COL24A1: variants seen among roughly 807,000 people sequenced by gnomAD.
The protein encoded by COL24A1 is collagen type XXIV alpha 1 chain.
COL24A1 carries 224 observed loss-of-function variants against 253.9 expected under a neutral mutation model. The ratio of observed to expected loss-of-function variants is 0.88; its 90% confidence interval spans 0.79 to 0.99. The LOEUF (loss-of-function observed/expected upper bound fraction) is 0.99, where lower values mean the gene tolerates loss of function less well. Ranked by LOEUF, COL24A1 falls within the 50% of genes least tolerant of loss-of-function variation. COL24A1 has a pLI of 0.00. For synonymous variants in COL24A1, 685 were observed against 673.7 expected (o/e 1.02, Z -0.26); for missense variants, 2,131 against 2,068.5 (o/e 1.03, Z -0.59).
chr1:85,975,433 A>G (rs189446166), intron 20 of COL24A1, among the ~76,000 whole-genome samples: 2 of 152,334 alleles, frequency 1.3e-5, no homozygotes, highest in Non-Finnish European at 2.9e-5. Flanking sequence ...TTATTCCACC[A>G]TAAGAAGAAT....
intron 43 of COL24A1, among the ~76,000 whole-genome samples, chr1:85,833,361 C>A (rs1301950790): frequency 2.6e-4 from 40 of 152,160 alleles, no homozygotes; most frequent in African/African-American, 4.1e-4. Flanking sequence ...AAACACATGA[C>A]AAAATGCTCA....
rs1687335609 is a variant in COL24A1, at chr1:85,927,040, T to C, written c.2563-15607A>G. 2.0e-5 allele frequency among the ~76,000 whole-genome samples: 3 copies of C among 152,248 alleles called. No individual in the cohort carries two copies. In the South Asian group the frequency reaches 6.2e-4, roughly 32 times the overall value. ...TAGCTTTTGTGTGTTTGGATATGTT[T>C]GCCAAAGGGTTAAGAATGTGTGTAG... On this transcript the variant is annotated intron_variant, in intron 24 of 59. Transcript: ENST00000370571.
In COL24A1 at chr1:85,927,299, C is replaced by G. The variant is rs573158459; in HGVS notation, c.2563-15866G>C. Among the ~76,000 whole-genome samples the G allele has an allele frequency of 3.9e-5, 6 of 152,264 alleles. No homozygotes were observed. The South Asian group carries it at 1.2e-3, about 32-fold the overall frequency. ...GCAAGGAGTCAGGGAGTTCCCTTTC[C>G]GAGTCAAAGAAAGGGGTGACGGACG... On this transcript the variant is annotated intron_variant, in intron 24 of 59. Transcript: ENST00000370571.
chr1:86,005,370 TA>T (rs1173733115), intron 19 of COL24A1, among the ~76,000 whole-genome samples: 2,170 of 136,068 alleles, frequency 0.016, 41 homozygotes, highest in African/African-American at 0.048. Context: ...CTCCATAAAG[TA>T]AAAAAAAAAA....
At chr1:86,097,474 CTCCCTCCTCCTCCT>C in intron 5 of COL24A1, among the ~76,000 whole-genome samples, 1 of 57,906 alleles carries the variant, frequency 1.7e-5, no homozygotes, top group Non-Finnish European at 4.1e-5. Flanking sequence ...CCTCCTCCTC[CTCCCTCCTCCTCCT>C]CCCTCCTCCT....
chr1:86,125,716 C>T lies in COL24A1; in HGVS notation c.620G>A (p.Ser207Asn). ...AAAATGGATAGAATTATTATTCATA[C>T]TTCCTAAAGTAAACACACTATTAGA... ...FDSNSVFTLG[S>N]MNNNSIHFEG... The change falls in exon 3 of 60, where the codon AGT becomes AAT. Residue 207 changes from serine to asparagine, a missense_variant. Coordinates refer to ENST00000370571, the MANE Select transcript of COL24A1 (RefSeq NM_152890.7). 1 of 1,609,910 alleles carries T rather than the reference C, an allele frequency of 6.2e-7. No individual in the cohort carries two copies. The highest frequency in any genetic ancestry group is 8.5e-7 in the Non-Finnish European group (1 of 1,177,736).
At chr1:86,036,873 T>C (rs908730381) in intron 12 of COL24A1, among the ~76,000 whole-genome samples, 2 of 152,196 alleles carry the variant, frequency 1.3e-5, no homozygotes, top group Admixed American at 6.6e-5. Context: ...TTAAATCAAA[T>C]TGTGTTTTCC....
At chr1:85,757,797 C>T (rs1041832769) in intron 55 of COL24A1, among the ~76,000 whole-genome samples, 4 of 152,076 alleles carry the variant, frequency 2.6e-5, no homozygotes, top group African/African-American at 7.2e-5. Context: ...GAGGATTTGC[C>T]TGGGAAGTCA....
intron 32 of COL24A1, among the ~76,000 whole-genome samples, chr1:85,881,400 C>G (rs977965537): frequency 6.6e-6 from 1 of 151,748 alleles, no homozygotes; most frequent in Non-Finnish European, 1.5e-5. Flanking sequence ...GGGCCGATCA[C>G]GAGGTCAGGA....
intron 2 of COL24A1, among the ~76,000 whole-genome samples, chr1:86,139,064 T>C (rs1296149710): frequency 1.3e-5 from 2 of 151,772 alleles, no homozygotes; most frequent in African/African-American, 4.8e-5. Context: ...GCTGACATAC[T>C]ATATAAACAC....
At chr1:86,149,135 T>C (rs1381603675) in intron 1 of COL24A1, among the ~76,000 whole-genome samples, 4 of 152,226 alleles carry the variant, frequency 2.6e-5, no homozygotes, top group African/African-American at 9.6e-5. Context: ...CCTCAGGTGA[T>C]CTGCCTGCTT....
chr1:85,849,214 T>G, intron 38 of COL24A1, 139 bp downstream of exon 38: 1 of 456,926 alleles, frequency 2.2e-6, no homozygotes, highest in Non-Finnish European at 3.9e-6. Flanking sequence ...TTAATTTATA[T>G]AAATGTATCT....
intron 5 of COL24A1, among the ~76,000 whole-genome samples, chr1:86,108,763 C>T (rs1338496357): frequency 1.3e-5 from 2 of 150,662 alleles, no homozygotes; most frequent in Non-Finnish European, 2.9e-5. Flanking sequence ...GCCGAGATCG[C>T]ACCATTGTAC....
rs755269026 is a variant in COL24A1 at position 85,823,576 on chromosome 1, T to G, written c.3749A>C (p.Asp1250Ala). Residue 1250 changes from aspartate (D) to alanine (A), a missense_variant, in exon 45 of 60, where the codon GAC (aspartate) becomes GCC (alanine). Coordinates refer to ENST00000370571, the MANE Select transcript of COL24A1 (RefSeq NM_152890.7). ...TCCTTTTAGTCCTTGTTCACCCTGG[T>G]CACCTGGTTCGCCCTTTAGTAGAAA... ...GQQGPPGEPGDQGEQGLKGER... is the reference protein window; with the variant it reads ...GQQGPPGEPGAQGEQGLKGER... 6.2e-7 allele frequency: 1 copy of G among 1,614,030 alleles called. No homozygotes were observed. Among genetic ancestry groups the G allele is most frequent in the South Asian group, 1.1e-5 (1 of 91,082 alleles).
chr1:85,827,794 G>A (rs1392932040), intron 43 of COL24A1, among the ~76,000 whole-genome samples: 1 of 151,768 alleles, frequency 6.6e-6, no homozygotes. Flanking sequence ...TTTTTATTGT[G>A]TCTGTTTGAT....
chr1:85,832,240 T>C (rs1031567272), intron 43 of COL24A1, among the ~76,000 whole-genome samples: 1 of 152,070 alleles, frequency 6.6e-6, no homozygotes, highest in Admixed American at 6.6e-5. Context: ...TGGTTGTAGA[T>C]ATGTGGCATT....
rs1375702537 is a variant in COL24A1, at chr1:85,775,604, G to C, written c.4374+70C>G. On this transcript the variant is annotated intron_variant, in intron 53 of 59. Coordinates refer to ENST00000370571, the MANE Select transcript of COL24A1 (RefSeq NM_152890.7). ...ACATAATAATGGATAACTCTAACAG[G>C]GTCCTTGCTTTCATGGAGCTTATAG... is the stretch of plus-strand genomic sequence containing the variant. 2.4e-6 allele frequency: 3 copies of C among 1,243,508 alleles called. No homozygotes were observed. The African/African-American group carries it at 4.6e-5, about 19-fold the overall frequency. The allele number at this position is 1,243,508 out of a possible 1,614,324, so 77.0% of individuals were successfully genotyped here.
intron 29 of COL24A1, 135 bp from the exon 30 acceptor site, chr1:85,896,200 T>A: frequency 8.5e-7 from 1 of 1,177,462 alleles, no homozygotes; most frequent in Non-Finnish European, 1.2e-6. Context: ...AAAACATCTC[T>A]GCCTGTGTAG....
intron 19 of COL24A1, among the ~76,000 whole-genome samples, chr1:86,003,008 C>T (rs1336376922): frequency 6.6e-6 from 1 of 152,248 alleles, no homozygotes; most frequent in Middle Eastern, 3.4e-3. Flanking sequence ...TACAATCAGT[C>T]CCGCCACTTG....
Sources: gnomAD v4.1 joint callset for allele counts (sites outside exome capture counted in the v4.1 genomes callset) on GRCh38, gnomAD v4.1.1 for gene constraint, MANE v1.5 for transcripts, NCBI Gene and HGNC (gene_info 2026-07-23, HGNC 2026-07-21) for gene names.